The following GAPVD1 variants were observed in gnomAD, a reference collection of about 807,000 sequenced individuals.
GAPVD1 encodes the protein GTPase-activating protein and VPS9 domain-containing protein 1.
GAPVD1 carries 35 observed loss-of-function variants against 155.5 expected under a neutral mutation model. That is an observed-to-expected ratio of 0.23 (90% CI 0.17 to 0.30). The LOEUF is 0.30. GAPVD1 is among the 10% of genes least tolerant of loss of function. The probability of loss-of-function intolerance (pLI) is 1.00; values close to 1 mark genes in which losing one functional copy is unlikely to be tolerated. For synonymous variants in GAPVD1, 636 were observed against 619.7 expected, an observed-to-expected ratio of 1.03 and a Z score of -0.39; for missense variants, 1,429 against 1,775.7, an observed-to-expected ratio of 0.80 and a Z score of 3.51.
chr9:125,350,505 G>A, intron 22 of GAPVD1, 101 bp downstream of exon 22: 1 of 807,096 alleles, frequency 1.2e-6, no homozygotes, highest in Non-Finnish European at 2.1e-6. Flanking sequence ...AATTCCATAT[G>A]GTTCAACTTA....
At position 125,330,140 on chromosome 9, in the gene GAPVD1, C is replaced by T. The variant is rs1182828568; in HGVS notation, c.2095C>T (p.Leu699Phe). The change falls in exon 13 of 28, where the codon CTT (leucine) becomes TTT (phenylalanine). Residue 699 changes from leucine to phenylalanine, a missense_variant. Physicochemically the swap from Leu to Phe is conservative, Grantham distance 22. Coordinates refer to ENST00000297933, the MANE Select transcript of GAPVD1 (RefSeq NM_001282680.3). ...LCLPGSGSVL[L>F]DPCTGSTISE... ...CCTCCCAGGTTCAGGGTCAGTGCTT[C>T]TTGACCCCTGCACTGGTTCTACCAT... 3 of 1,608,116 alleles carry T rather than the reference C, an allele frequency of 1.9e-6. No homozygotes were observed. In the African/African-American group the frequency reaches 4.0e-5, roughly 22 times the overall value.
intron 2 of GAPVD1, among the ~76,000 whole-genome samples, chr9:125,272,499 A>G (rs1016829820): frequency 3.9e-5 from 6 of 152,150 alleles, no homozygotes; most frequent in African/African-American, 1.4e-4. Flanking sequence ...CTCTCTATGA[A>G]TAAGTTTCTG....
rs147187688 is a variant in GAPVD1, at chr9:125,342,249, A to C, written c.2996A>C (p.Gln999Pro). 492 of 1,598,084 alleles carry C rather than the reference A, an allele frequency of 3.1e-4. No individual in the cohort carries two copies. The highest frequency in any genetic ancestry group is 2.7e-4 in the Non-Finnish European group (319 of 1,165,518). Residue 999 changes from glutamine to proline, a missense_variant, in exon 19 of 28, where the codon CAA becomes CCA. Transcript: ENST00000297933. ...ATACCATTTAGAAAGAAAGAAAAACAAGAAAAAGACAAAGATGATCTGGGG... is the reference window on the plus strand; with the variant it reads ...ATACCATTTAGAAAGAAAGAAAAACCAGAAAAAGACAAAGATGATCTGGGG... Reference protein sequence around the residue: ...APIPFRKKEKQEKDKDDLGPD... With the variant: ...APIPFRKKEKPEKDKDDLGPD...
At chr9:125,278,733 G>A (rs1191610239) in intron 2 of GAPVD1, among the ~76,000 whole-genome samples, 3 of 151,782 alleles carry the variant, frequency 2.0e-5, no homozygotes, top group Non-Finnish European at 2.9e-5. Context: ...TGCTTGGGAG[G>A]CTGAAGTGGG....
intron 19 of GAPVD1, among the ~76,000 whole-genome samples, chr9:125,343,850 C>T (rs1403057191): frequency 5.9e-5 from 9 of 152,170 alleles, no homozygotes; most frequent in Non-Finnish European, 1.5e-5. Context: ...AGAACACTAG[C>T]GTTTACAAAG....
At chr9:125,334,689 C>T (rs927831662) in intron 15 of GAPVD1, among the ~76,000 whole-genome samples, 10 of 151,906 alleles carry the variant, frequency 6.6e-5, no homozygotes, top group Non-Finnish European at 8.8e-5. Flanking sequence ...TCCTTGAGCC[C>T]AGGAGTTCGA....
chr9:125,288,692 T>A (rs1838118732), intron 2 of GAPVD1, among the ~76,000 whole-genome samples: 1 of 152,172 alleles, frequency 6.6e-6, no homozygotes, highest in Non-Finnish European at 1.5e-5. Flanking sequence ...TTACATTCAT[T>A]TAGCAAGTAC....
rs183767609 is a variant in GAPVD1, at chr9:125,330,702, G to A, written c.2173+484G>A. On this transcript the variant is annotated intron_variant, in intron 13 of 27. Transcript: ENST00000297933. ...GTTTAGGGCATTTTCTGTCCATTAA[G>A]GGAAAATGCTCTGTTAGATAGCATA... is the stretch of plus-strand genomic sequence containing the variant. Among the ~76,000 whole-genome samples the A allele has an allele frequency of 7.5e-4, 114 of 152,324 alleles. 1 individual carries two copies. Among genetic ancestry groups the A allele is most frequent in the South Asian group, 3.1e-3 (15 of 4,824 alleles).
intron 9 of GAPVD1, among the ~76,000 whole-genome samples, chr9:125,319,411 AT>A (rs912404196): frequency 9.8e-5 from 14 of 143,330 alleles, no homozygotes; most frequent in Admixed American, 1.4e-4. Flanking sequence ...TGTGTATTTA[AT>A]TTTTTTTTTT....
At chr9:125,321,635 A>G (rs1408975285) in intron 10 of GAPVD1, 73 bp downstream of exon 10, 4 of 1,333,490 alleles carry the variant, frequency 3.0e-6, no homozygotes, top group South Asian at 1.2e-5. Flanking sequence ...AAAGGAGCTT[A>G]TAAATTATAA....
chr9:125,315,232 A>T (rs1237658336), intron 9 of GAPVD1, among the ~76,000 whole-genome samples: 1 of 152,220 alleles, frequency 6.6e-6, no homozygotes, highest in Non-Finnish European at 1.5e-5. Flanking sequence ...ATAGGGAAGA[A>T]GACCAACAAT....
intron 2 of GAPVD1, among the ~76,000 whole-genome samples, chr9:125,280,353 G>A (rs1470604822): frequency 4.6e-5 from 6 of 131,472 alleles, no homozygotes; most frequent in African/African-American, 1.4e-4. Context: ...CCGAGATTGC[G>A]CCATTGCGCT....
At chr9:125,282,983 A>G (rs1837022755) in intron 2 of GAPVD1, among the ~76,000 whole-genome samples, 1 of 151,532 alleles carries the variant, frequency 6.6e-6, no homozygotes. Flanking sequence ...GAGGTGATTC[A>G]TTTGTTTACC....
chr9:125,272,067 A>G (rs527403757), intron 2 of GAPVD1, among the ~76,000 whole-genome samples: 2 of 152,206 alleles, frequency 1.3e-5, no homozygotes, highest in African/African-American at 2.4e-5. Flanking sequence ...TCTGTCTCCC[A>G]GGCTGAAGTG....
chr9:125,283,758 T>C (rs1837180786), intron 2 of GAPVD1, among the ~76,000 whole-genome samples: 1 of 152,158 alleles, frequency 6.6e-6, no homozygotes, highest in African/African-American at 2.4e-5. Context: ...GTGATTCTTA[T>C]CCCATAAAAA....
At chr9:125,333,583 G>C (rs1846420583) in intron 15 of GAPVD1, among the ~76,000 whole-genome samples, 1 of 148,532 alleles carries the variant, frequency 6.7e-6, no homozygotes, top group Non-Finnish European at 1.5e-5. Flanking sequence ...CTGTCTCCCA[G>C]GTTCAAATGA....
At position 125,354,670 on chromosome 9, in the gene GAPVD1, A is replaced by G. The variant is rs778046595; in HGVS notation, c.3586A>G (p.Ile1196Val). The G allele has an allele frequency of 1.2e-6, 2 of 1,611,768 alleles. No individual in the cohort carries two copies. The highest frequency in any genetic ancestry group is 1.1e-5 in the South Asian group (1 of 91,026). ...TCCTTTTAGAAAAAGAGCCCCATAT[A>G]TTGCTTATCTCACTCGTTGTCGACA... ...AEDYRKRAPY[I>V]AYLTRCRQGL... is the part of the protein sequence containing the mutation. Residue 1196 changes from isoleucine to valine, a missense_variant, in exon 24 of 28, where the codon ATT (isoleucine) becomes GTT (valine). Physicochemically the swap from Ile to Val is conservative, Grantham distance 29. Transcript: ENST00000297933.
chr9:125,341,140 A>C, intron 17 of GAPVD1, 37 bp from the exon 18 acceptor site: 1 of 983,734 alleles, frequency 1.0e-6, no homozygotes, highest in Non-Finnish European at 1.7e-6. Flanking sequence ...TTATCCTGCT[A>C]TCCAACTCCA....
At chr9:125,323,545 T>A (rs1449287085) in intron 10 of GAPVD1, among the ~76,000 whole-genome samples, 1 of 152,146 alleles carries the variant, frequency 6.6e-6, no homozygotes, top group Non-Finnish European at 1.5e-5. Flanking sequence ...GACCTCATGA[T>A]CCACCCACCT....
Sources: gnomAD v4.1 joint callset for allele counts (sites outside exome capture counted in the v4.1 genomes callset) on GRCh38, gnomAD v4.1.1 for gene constraint, MANE v1.5 for transcripts, NCBI Gene and HGNC (gene_info 2026-07-23, HGNC 2026-07-21) for gene names.